CLCN5: variants seen among roughly 807,000 people sequenced by gnomAD.
The protein encoded by CLCN5 is Cl-/H+ antiporter 5.
CLCN5 carries 17 observed loss-of-function variants against 54.0 expected under a neutral mutation model. The observed-to-expected ratio is 0.31, with a 90% CI of 0.22 to 0.47. CLCN5 has a LOEUF of 0.47. Among genes scored for constraint, CLCN5 ranks in the 20% least tolerant of loss-of-function variants. CLCN5 has a pLI of 1.00. For missense variants in CLCN5, 448 were observed against 646.7 expected, an observed-to-expected ratio of 0.69 and a Z score of 3.33; for synonymous variants, 222 against 233.0, an observed-to-expected ratio of 0.95 and a Z score of 0.43.
intron 4 of CLCN5, among the ~76,000 whole-genome samples, chrX:50,063,858 C>T (rs1161529426): frequency 4.5e-5 from 5 of 111,122 alleles, no homozygotes; most frequent in Admixed American, 9.5e-5. Flanking sequence ...GTTCAGTATA[C>T]GCAAATCAAT....
In CLCN5 at chrX:49,967,444, G is replaced by A. The variant is rs782349338; in HGVS notation, c.16+42130G>A. 6.1e-4 allele frequency among the ~76,000 whole-genome samples: 53 copies of A among 87,293 alleles called. 1 individual carries two copies. The highest frequency in any genetic ancestry group is 1.6e-3 in the East Asian group (5 of 3,135). The allele number at this position is 87,293 out of a possible 115,157, so 75.8% of individuals were successfully genotyped here. ...TGAGAAGTGTCTGTTCATGTCCTTCGCCCACTTTTTGATGGGGTTGTTTGT... is the reference window on the plus strand; with the variant it reads ...TGAGAAGTGTCTGTTCATGTCCTTCACCCACTTTTTGATGGGGTTGTTTGT... On this transcript the variant is annotated intron_variant, in intron 3 of 14. Coordinates refer to ENST00000376091, the MANE Select transcript of CLCN5 (RefSeq NM_001127898.4).
At chrX:50,057,874 A>G (rs1331035966) in intron 4 of CLCN5, among the ~76,000 whole-genome samples, 1 of 110,735 alleles carries the variant, frequency 9.0e-6, no homozygotes, top group East Asian at 2.9e-4. Flanking sequence ...AAATAGGTGA[A>G]ATGGGATGTG....
At chrX:50,033,364 T>G (rs1466744656) in intron 3 of CLCN5, among the ~76,000 whole-genome samples, 1 of 111,198 alleles carries the variant, frequency 9.0e-6, no homozygotes, top group Admixed American at 9.6e-5. Context: ...ATCATTCTTA[T>G]ACACCAATAA....
chrX:50,057,039 C>T (rs189985992), intron 4 of CLCN5, among the ~76,000 whole-genome samples: 1 of 111,247 alleles, frequency 9.0e-6, no homozygotes, highest in Non-Finnish European at 1.9e-5. Flanking sequence ...GAACAGGAAC[C>T]AAAGCAGTGG....
chrX:49,957,765 ACT>A, intron 3 of CLCN5, among the ~76,000 whole-genome samples: 1 of 110,403 alleles, frequency 9.1e-6, no homozygotes. Context: ...TTCTTTAAAA[ACT>A]CTTTTTATTT....
At position 50,067,798 on chromosome X, in the gene CLCN5, C is replaced by T. The variant is rs782516517; in HGVS notation, c.164-2081C>T. The T allele has an allele frequency of 7.5e-4, 481 of 645,096 alleles. 1 individual carries two copies. The highest frequency in any genetic ancestry group is 8.5e-4 in the Non-Finnish European group (458 of 541,171). 53.2% of individuals were successfully genotyped at this position (645,096 alleles called of 1,213,427 possible). On this transcript the variant is annotated intron_variant, in intron 4 of 14. Coordinates refer to ENST00000376091, the MANE Select transcript of CLCN5 (RefSeq NM_001127898.4). ...GAGCCTGACCAAGGACTGAAGCATG[C>T]CCCCCGGGAGCAGGGGATCTGGAGA...
At chrX:50,055,366 G>C (rs913573546) in intron 4 of CLCN5, among the ~76,000 whole-genome samples, 3 of 111,676 alleles carry the variant, frequency 2.7e-5, no homozygotes, top group Non-Finnish European at 5.6e-5. Flanking sequence ...AGTTGCCCAA[G>C]GTGACACAAC....
chrX:50,007,944 G>T (rs1930286398), intron 3 of CLCN5, among the ~76,000 whole-genome samples: 1 of 111,901 alleles, frequency 8.9e-6, no homozygotes, highest in African/African-American at 3.3e-5. Flanking sequence ...AAAGTGCCTG[G>T]TTTTTCCACT....
chrX:49,995,942 T>A (rs1265605878), intron 3 of CLCN5, among the ~76,000 whole-genome samples: 1 of 111,829 alleles, frequency 8.9e-6, no homozygotes, highest in Non-Finnish European at 1.9e-5. Context: ...GTTATCCACG[T>A]GGCATATGGC....
intron 3 of CLCN5, 28 bp from the exon 4 acceptor site, chrX:50,042,288 T>G: frequency 1.1e-6 from 1 of 912,243 alleles, no homozygotes; most frequent in Non-Finnish European, 1.5e-6. Flanking sequence ...ATCATTGTTA[T>G]AAGCCTCCTA....
At chrX:50,076,072 T>C in intron 7 of CLCN5, 90 bp downstream of exon 7, 2 of 824,119 alleles carry the variant, frequency 2.4e-6, no homozygotes, top group Non-Finnish European at 3.6e-6. Flanking sequence ...TTGCGGAATC[T>C]TCCTTTATTT....
intron 3 of CLCN5, among the ~76,000 whole-genome samples, chrX:49,983,994 AAC>A (rs1458552366): frequency 2.7e-5 from 3 of 111,024 alleles, no homozygotes; most frequent in South Asian, 3.7e-4. Context: ...AACATTTTCT[AAC>A]ACAGTTAATT....
chrX:49,973,660 T>G (rs782305252), intron 3 of CLCN5, among the ~76,000 whole-genome samples: 1 of 103,241 alleles, frequency 9.7e-6, no homozygotes, highest in Non-Finnish European at 2.0e-5. Context: ...CTCAACTTAC[T>G]TTTTTTTTTT....
chrX:49,984,000 G>C (rs1040917184), intron 3 of CLCN5, among the ~76,000 whole-genome samples: 2 of 110,833 alleles, frequency 1.8e-5, no homozygotes, highest in Non-Finnish European at 3.8e-5. Flanking sequence ...TTCTAACACA[G>C]TTAATTAGGA....
intron 3 of CLCN5, among the ~76,000 whole-genome samples, chrX:49,943,998 A>G (rs1401675938): frequency 2.7e-5 from 3 of 111,636 alleles, no homozygotes; most frequent in Non-Finnish European, 5.6e-5. Context: ...CTTGGGCAGT[A>G]TGGCCATTTT....
At chrX:50,060,407 G>A (rs1932834680) in intron 4 of CLCN5, among the ~76,000 whole-genome samples, 1 of 108,725 alleles carries the variant, frequency 9.2e-6, no homozygotes, top group Admixed American at 9.7e-5. Context: ...GACGCACCTG[G>A]AAAATCGGGT....
intron 4 of CLCN5, among the ~76,000 whole-genome samples, chrX:50,048,046 G>C (rs1273264290): frequency 8.9e-6 from 1 of 112,092 alleles, no homozygotes; most frequent in Non-Finnish European, 1.9e-5. Context: ...TTGGCACCAG[G>C]GACAGGGACC....
intron 3 of CLCN5, chrX:50,003,414 A>G (rs1929983144): frequency 1.1e-5 from 4 of 353,495 alleles, no homozygotes; most frequent in South Asian, 2.6e-5. Context: ...TCCTGTGGCT[A>G]TCTTGCTGCC....
rs1169015037 is a variant in CLCN5, at chrX:50,069,966, A to G, written c.251A>G (p.Tyr84Cys). Reference sequence around the variant, plus strand: ...GAGCCAATCCCTGGTGTAGGGACCTATGATGATTTCAATACAATTGATTGG... The same window carrying G: ...GAGCCAATCCCTGGTGTAGGGACCTGTGATGATTTCAATACAATTGATTGG... Reference protein sequence around the residue: ...LEEPIPGVGTYDDFNTIDWVR... With the variant: ...LEEPIPGVGTCDDFNTIDWVR... The change falls in exon 5 of 15, where the codon TAT becomes TGT. Residue 84 changes from tyrosine to cysteine, a missense_variant. Tyr to Cys is a radical substitution (Grantham distance 194). Coordinates refer to ENST00000376091, the MANE Select transcript of CLCN5 (RefSeq NM_001127898.4). 1 of 1,207,953 alleles carries G rather than the reference A, an allele frequency of 8.3e-7. No homozygotes were observed. The highest frequency in any genetic ancestry group is 1.1e-6 in the Non-Finnish European group (1 of 893,709).
Sources: gnomAD v4.1 joint callset for allele counts (sites outside exome capture counted in the v4.1 genomes callset) on GRCh38, gnomAD v4.1.1 for gene constraint, MANE v1.5 for transcripts, NCBI Gene and HGNC (gene_info 2026-07-23, HGNC 2026-07-21) for gene names.